CSMD1: variants seen among roughly 807,000 people sequenced by gnomAD.
The protein encoded by CSMD1 is CUB and sushi domain-containing protein 1.
A neutral mutation model predicts 417.5 loss-of-function variants in CSMD1; 213 were observed. The observed-to-expected ratio is 0.51, with a 90% confidence interval of 0.46 to 0.57. The LOEUF (loss-of-function observed/expected upper bound fraction) is 0.57, where lower values mean the gene tolerates loss of function less well. Among genes scored for constraint, CSMD1 ranks in the 20% least tolerant of loss-of-function variants. The pLI, the probability that CSMD1 is intolerant of heterozygous loss-of-function variation, is 0.00. For missense variants in CSMD1, 6,923 were observed against 4,529.7 expected, an observed-to-expected ratio of 1.53 and a Z score of -15.17; for synonymous variants, 2,862 against 1,736.8, an observed-to-expected ratio of 1.65 and a Z score of -16.11.
intron 1 of CSMD1, among the ~76,000 whole-genome samples, chr8:4,657,673 T>G (rs1204915158): frequency 6.9e-6 from 1 of 144,102 alleles, no homozygotes; most frequent in African/African-American, 2.6e-5. Context: ...TCTCAAAAAA[T>G]CATAAAACAT....
chr8:3,418,655 G>A (rs972383150), intron 12 of CSMD1, among the ~76,000 whole-genome samples: 4 of 152,068 alleles, frequency 2.6e-5, no homozygotes, highest in African/African-American at 7.2e-5. Context: ...GTAATGAGAA[G>A]CAGGTTTTCC....
chr8:3,789,214 G>C (rs1799598854), intron 5 of CSMD1, among the ~76,000 whole-genome samples: 2 of 152,082 alleles, frequency 1.3e-5, no homozygotes, highest in Admixed American at 6.6e-5. Context: ...GTATGAGCAA[G>C]ATAGTGGGCC....
chr8:3,971,754 A>G (rs1394829726), intron 5 of CSMD1, among the ~76,000 whole-genome samples: 91 of 152,182 alleles, frequency 6.0e-4, no homozygotes, highest in Non-Finnish European at 2.5e-4. Flanking sequence ...GCATTTTCTT[A>G]AATTCAGTAA....
intron 25 of CSMD1, among the ~76,000 whole-genome samples, chr8:3,306,292 G>T (rs1280227638): frequency 6.6e-6 from 1 of 152,192 alleles, no homozygotes; most frequent in Non-Finnish European, 1.5e-5. Flanking sequence ...TTCTGCCTCA[G>T]TATCCTGAGT....
At chr8:3,297,650 T>G (rs1187209471) in intron 25 of CSMD1, among the ~76,000 whole-genome samples, 1 of 152,158 alleles carries the variant, frequency 6.6e-6, no homozygotes, top group Non-Finnish European at 1.5e-5. Flanking sequence ...ACACAAAAAT[T>G]TATCCCCAGT....
intron 1 of CSMD1, among the ~76,000 whole-genome samples, chr8:4,922,192 G>C (rs555548132): frequency 6.6e-6 from 1 of 152,034 alleles, no homozygotes; most frequent in African/African-American, 2.4e-5. Context: ...GTGTGTGCGA[G>C]TGTGTGCGTG....
intron 51 of CSMD1, among the ~76,000 whole-genome samples, chr8:3,026,345 T>TCCCACTGGAG (rs1164121745): frequency 6.6e-6 from 1 of 151,704 alleles, no homozygotes; most frequent in Non-Finnish European, 1.5e-5. Context: ...CCTCGCTGGA[T>TCCCACTGGAG]CCCACTGGAG....
chr8:4,963,474 A>G (rs1380413923), intron 1 of CSMD1, among the ~76,000 whole-genome samples: 2 of 152,208 alleles, frequency 1.3e-5, no homozygotes, highest in Admixed American at 1.3e-4. Context: ...TGCTGGGATT[A>G]CAGGGGTGAG....
chr8:3,306,529 C>CCGA (rs1563252083), intron 25 of CSMD1, among the ~76,000 whole-genome samples: 22 of 152,200 alleles, frequency 1.4e-4, no homozygotes, highest in African/African-American at 5.1e-4. Flanking sequence ...AGCAGCTGGG[C>CCGA]TGATTCATTT....
At chr8:4,214,390 T>C (rs560451280) in intron 3 of CSMD1, among the ~76,000 whole-genome samples, 12 of 152,192 alleles carry the variant, frequency 7.9e-5, no homozygotes, top group Non-Finnish European at 1.6e-4. Flanking sequence ...CTCTGCCTCC[T>C]GGATTCAATC....
chr8:4,312,790 C>T (rs1412780981), intron 3 of CSMD1, among the ~76,000 whole-genome samples: 1 of 152,116 alleles, frequency 6.6e-6, no homozygotes, highest in Non-Finnish European at 1.5e-5. Flanking sequence ...AGGATAATTG[C>T]TTGAACCAGG....
chr8:2,957,705 C>T lies in CSMD1; in HGVS notation c.9805G>A (p.Glu3269Lys), dbSNP rs866797399. The T allele has an allele frequency of 1.2e-5, 19 of 1,581,774 alleles. No individual in the cohort carries two copies. The highest frequency in any genetic ancestry group is 7.1e-5 in the Admixed American group (4 of 56,412). The part of the protein sequence containing the change: ...ANLTWSGIQT[E>K]CIPHACRQPE... ...AAGAAATCACACTTACGTATACATT[C>T]GGTCTGTATCCCACTCCATGTTAAA... The change falls in exon 63 of 70, where the codon GAA becomes AAA. Residue 3269 changes from glutamate to lysine, a missense_variant. Coordinates refer to ENST00000635120, the MANE Select transcript of CSMD1 (RefSeq NM_033225.6).
chr8:4,422,091 A>G (rs141646248), intron 2 of CSMD1, among the ~76,000 whole-genome samples: 225 of 152,250 alleles, frequency 1.5e-3, no homozygotes, highest in African/African-American at 5.0e-3. Context: ...ACAACTAACC[A>G]ATGAAAAAAT....
At chr8:3,789,565 C>T (rs967435669) in intron 5 of CSMD1, among the ~76,000 whole-genome samples, 5 of 150,984 alleles carry the variant, frequency 3.3e-5, no homozygotes, top group African/African-American at 9.7e-5. Flanking sequence ...AATATATTCA[C>T]TCACTTGCTA....
chr8:4,797,068 C>T (rs1371802968), intron 1 of CSMD1, among the ~76,000 whole-genome samples: 2 of 152,092 alleles, frequency 1.3e-5, no homozygotes, highest in Admixed American at 6.6e-5. Context: ...AGATTCTGTC[C>T]ATGTGTTCTG....
rs141297791 is a variant in CSMD1, at chr8:3,821,049, T to G, written c.819-67007A>C. Among the ~76,000 whole-genome samples the G allele has an allele frequency of 1.4e-3, 206 of 152,130 alleles. 1 individual carries two copies. The highest frequency in any genetic ancestry group is 4.7e-3 in the African/African-American group (194 of 41,522). ...CTCCCGCCTCAGCCTCCCCAGTAGC[T>G]GGGATTACAGGTGTGTGCCACCACA... On this transcript the variant is annotated intron_variant, in intron 5 of 69. Transcript: ENST00000635120.
chr8:3,392,027 G>T (rs867564638), intron 17 of CSMD1, among the ~76,000 whole-genome samples: 1 of 148,254 alleles, frequency 6.7e-6, no homozygotes, highest in Non-Finnish European at 1.5e-5. Context: ...AACACCTCAT[G>T]TTCTCACTCA....
intron 2 of CSMD1, among the ~76,000 whole-genome samples, chr8:4,499,649 A>T (rs1802154358): frequency 6.6e-6 from 1 of 152,256 alleles, no homozygotes; most frequent in African/African-American, 2.4e-5. Context: ...CGCCCCTGCG[A>T]GTAGGTATGT....
At chr8:4,179,742 A>G (rs1798250949) in intron 3 of CSMD1, among the ~76,000 whole-genome samples, 2 of 37,448 alleles carry the variant, frequency 5.3e-5, no homozygotes, top group African/African-American at 2.3e-4. Context: ...GAAAAAAACA[A>G]ACAACCCCAT....
Sources: allele counts gnomAD v4.1 joint callset (sites outside exome capture counted in the v4.1 genomes callset), GRCh38; gene constraint gnomAD v4.1.1; transcripts MANE v1.5; gene names NCBI Gene and HGNC (gene_info 2026-07-23, HGNC 2026-07-21).